Variants in MECOM observed in about 807,000 individuals in gnomAD.
MECOM encodes histone-lysine N-methyltransferase MECOM.
MECOM carries 13 observed loss-of-function variants against 116.3 expected under a neutral mutation model. The ratio of observed to expected loss-of-function variants is 0.11; its 90% CI spans 0.07 to 0.18. MECOM has a LOEUF of 0.18. Ranked by LOEUF, MECOM falls within the 10% of genes least tolerant of loss-of-function variation. The pLI is 1.00. For missense variants in MECOM, 1,299 were observed against 1,509.0 expected (o/e 0.86, Z 2.31); for synonymous variants, 528 against 535.2 (o/e 0.99, Z 0.19).
intron 2 of MECOM, among the ~76,000 whole-genome samples, chr3:169,178,659 T>C (rs997922827): frequency 6.6e-6 from 1 of 152,352 alleles, no homozygotes; most frequent in African/African-American, 2.4e-5. Flanking sequence ...GGTTCTGCCA[T>C]GTTTGATTTT....
intron 1 of MECOM, among the ~76,000 whole-genome samples, chr3:169,389,286 G>C (rs896714646): frequency 6.6e-6 from 1 of 152,218 alleles, no homozygotes; most frequent in African/African-American, 2.4e-5. Flanking sequence ...TGAGGTACCA[G>C]TAAAGCCATT....
intron 2 of MECOM, among the ~76,000 whole-genome samples, chr3:169,213,991 T>C (rs970167278): frequency 6.6e-6 from 1 of 152,138 alleles, no homozygotes; most frequent in African/African-American, 2.4e-5. Flanking sequence ...GATTTTAGTG[T>C]CCTTGAAAAC....
chr3:169,397,799 G>T (rs1462574526), intron 1 of MECOM, among the ~76,000 whole-genome samples: 1 of 152,186 alleles, frequency 6.6e-6, no homozygotes, highest in Non-Finnish European at 1.5e-5. Context: ...GGATTCCTCT[G>T]TGGGTAAAAA....
intron 1 of MECOM, among the ~76,000 whole-genome samples, chr3:169,641,071 C>T (rs1293752297): frequency 2.0e-5 from 3 of 152,140 alleles, no homozygotes; most frequent in Non-Finnish European, 2.9e-5. Flanking sequence ...CACATTGCCA[C>T]CTGTCATGCT....
intron 1 of MECOM, among the ~76,000 whole-genome samples, chr3:169,641,181 C>T (rs887885769): frequency 6.6e-6 from 1 of 152,088 alleles, no homozygotes; most frequent in African/African-American, 2.4e-5. Context: ...GGTGAAAAAC[C>T]CAGAACAGAG....
intron 11 of MECOM, among the ~76,000 whole-genome samples, chr3:169,101,166 G>C (rs970118290): frequency 6.6e-6 from 1 of 152,150 alleles, no homozygotes; most frequent in Non-Finnish European, 1.5e-5. Flanking sequence ...TCTAAGATCT[G>C]GTTGAATTTG....
rs1001321950 is a variant in MECOM, at chr3:169,663,677, G to A, written c.-305C>T. On this transcript the variant is annotated 5_prime_UTR_variant, in exon 1 of 17. Coordinates refer to ENST00000651503, the MANE Select transcript of MECOM (RefSeq NM_004991.4). ...CAGCATTGTCAGTTTGGACACCTTCGCACATGCGCGCTAGACGCCCCTCCA... is the reference window on the plus strand; with the variant it reads ...CAGCATTGTCAGTTTGGACACCTTCACACATGCGCGCTAGACGCCCCTCCA... The A allele has an allele frequency of 7.7e-6, 3 of 387,504 alleles. No individual in the cohort carries two copies. Among genetic ancestry groups the A allele is most frequent in the Non-Finnish European group, 1.4e-5 (3 of 218,246 alleles). 24.0% of individuals were successfully genotyped at this position (387,504 alleles called of 1,614,324 possible).
intron 1 of MECOM, among the ~76,000 whole-genome samples, chr3:169,597,603 A>G (rs1024173728): frequency 6.6e-6 from 1 of 152,246 alleles, no homozygotes. Flanking sequence ...AAAAAATATA[A>G]TAAGCAGATA....
At chr3:169,360,290 TAAAA>T (rs1203615730) in intron 2 of MECOM, among the ~76,000 whole-genome samples, 1 of 29,538 alleles carries the variant, frequency 3.4e-5, no homozygotes, top group East Asian at 1.1e-3. Flanking sequence ...TAAAGTATAA[TAAAA>T]AAAAAAAAAA....
intron 2 of MECOM, among the ~76,000 whole-genome samples, chr3:169,153,414 T>G (rs1741467052): frequency 6.6e-6 from 1 of 152,218 alleles, no homozygotes; most frequent in Non-Finnish European, 1.5e-5. Context: ...AAGATAACTT[T>G]GCTTACGATT....
At chr3:169,239,077 T>C (rs1754456995) in intron 2 of MECOM, among the ~76,000 whole-genome samples, 1 of 152,250 alleles carries the variant, frequency 6.6e-6, no homozygotes, top group South Asian at 2.1e-4. Flanking sequence ...TAAAGATATG[T>C]TACATGTGAA....
intron 1 of MECOM, among the ~76,000 whole-genome samples, chr3:169,604,625 C>T (rs1768272870): frequency 3.3e-5 from 5 of 152,174 alleles, no homozygotes; most frequent in African/African-American, 1.2e-4. Context: ...CCCAGCTGTC[C>T]TCTCCAAACC....
At chr3:169,585,228 A>G (rs1765647213) in intron 1 of MECOM, among the ~76,000 whole-genome samples, 1 of 152,186 alleles carries the variant, frequency 6.6e-6, no homozygotes, top group Non-Finnish European at 1.5e-5. Flanking sequence ...TCATTACCAA[A>G]TGTATGGTTC....
chr3:169,341,328 T>C (rs983521788), intron 2 of MECOM, among the ~76,000 whole-genome samples: 4 of 148,746 alleles, frequency 2.7e-5, no homozygotes, highest in African/African-American at 1.0e-4. Flanking sequence ...CACTTATTTG[T>C]GGGATCTAAA....
intron 2 of MECOM, among the ~76,000 whole-genome samples, chr3:169,305,592 T>TA (rs1717528246): frequency 6.6e-6 from 1 of 152,200 alleles, no homozygotes; most frequent in Admixed American, 6.5e-5. Flanking sequence ...AAACCTGTCT[T>TA]ACAATGGACA....
At chr3:169,477,101 GTGTGTATATATATATATATA>G (rs1447841550) in intron 1 of MECOM, 3 of 51,658 alleles carry the variant, frequency 5.8e-5, no homozygotes, top group South Asian at 1.4e-3. Flanking sequence ...GTGTGTGTGT[GTGTGTATATATATATATATA>G]TATATATATA....
At chr3:169,286,003 G>C (rs1713227947) in intron 2 of MECOM, among the ~76,000 whole-genome samples, 1 of 152,086 alleles carries the variant, frequency 6.6e-6, no homozygotes, top group Non-Finnish European at 1.5e-5. Context: ...TGTTTTATTT[G>C]TTTCCATTTA....
intron 1 of MECOM, among the ~76,000 whole-genome samples, chr3:169,470,884 T>G (rs1033041405): frequency 6.6e-6 from 1 of 152,174 alleles, no homozygotes; most frequent in African/African-American, 2.4e-5. Context: ...TCTGAGCTAT[T>G]TTTTTATTAC....
At chr3:169,107,458 C>A (rs1267044062) in intron 10 of MECOM, among the ~76,000 whole-genome samples, 1 of 152,074 alleles carries the variant, frequency 6.6e-6, no homozygotes, top group Non-Finnish European at 1.5e-5. Flanking sequence ...CTTCAAATAG[C>A]CAGAACCAAT....
Sources: gnomAD v4.1 joint callset for allele counts (sites outside exome capture counted in the v4.1 genomes callset) on GRCh38, gnomAD v4.1.1 for gene constraint, MANE v1.5 for transcripts, NCBI Gene and HGNC (gene_info 2026-07-23, HGNC 2026-07-21) for gene names.